Variants in BMS1 observed in about 807,000 individuals in gnomAD.
BMS1 encodes the protein BMS1 ribosome biogenesis factor.
Under a neutral mutation model 138.7 loss-of-function variants are expected in BMS1, and 53 were observed. That is an observed-to-expected ratio of 0.38 (90% CI 0.31 to 0.48). The LOEUF (loss-of-function observed/expected upper bound fraction) is 0.48, where lower values mean the gene tolerates loss of function less well. Ranked by LOEUF, BMS1 falls within the 20% of genes least tolerant of loss-of-function variation. BMS1 has a pLI of 0.97. For missense variants in BMS1, 1,360 were observed against 1,565.5 expected (o/e 0.87, Z 2.22); for synonymous variants, 504 against 539.9 (o/e 0.93, Z 0.92).
rs186069238 is a variant in BMS1, at chr10:42,796,514, A to G, written c.1270A>G (p.Thr424Ala). Residue 424 changes from threonine to alanine, a missense_variant, in exon 10 of 23, where the codon ACT (threonine) becomes GCT (alanine). By Grantham distance (58) the Thr-to-Ala change is moderately conservative (BLOSUM62 0). This residue lies in a region of BMS1 where 697 missense variants were observed against 686.2 expected (regional missense o/e 1.02). Transcript: ENST00000374518. ...PKEEKQMDLN[T>A]GRMRRKAIFG... is the part of the protein sequence containing the mutation. Reference sequence around the variant, plus strand: ...GGAGGAAAAACAAATGGACTTGAACACTGGTCGAATGCGTCGGAAAGCCAT... The same window carrying G: ...GGAGGAAAAACAAATGGACTTGAACGCTGGTCGAATGCGTCGGAAAGCCAT... The G allele has an allele frequency of 1.4e-5, 23 of 1,614,204 alleles. No homozygotes were observed. In the Admixed American group the frequency reaches 2.7e-4, roughly 19 times the overall value.
rs1441030309 is a variant in BMS1, at chr10:42,797,247, G to A, written c.1987+16G>A. 4 of 1,594,638 alleles carry A rather than the reference G, an allele frequency of 2.5e-6. No individual in the cohort carries two copies. The African/African-American group carries it at 5.4e-5, about 22-fold the overall frequency. On this transcript the variant is annotated intron_variant, in intron 10 of 22. Transcript: ENST00000374518. The stretch of plus-strand genomic sequence containing the variant: ...GAAACGTCAGGTAAGCTTAAATGTA[G>A]TTGGTTGCTGCTATGAACTTGGCTC...
At chr10:42,785,695 CAG>C in intron 3 of BMS1, 23 bp downstream of exon 3, 1 of 1,608,998 alleles carries the variant, frequency 6.2e-7, no homozygotes, top group Non-Finnish European at 8.5e-7. Context: ...ACCACAGACA[CAG>C]AGTTGGCGTG....
chr10:42,802,242 A>G, intron 13 of BMS1, 24 bp downstream of exon 13: 1 of 1,601,150 alleles, frequency 6.2e-7, no homozygotes, highest in Non-Finnish European at 8.5e-7. Flanking sequence ...TGGGTTCTTC[A>G]GGAAGACTGG....
intron 11 of BMS1, among the ~76,000 whole-genome samples, chr10:42,798,259 CAT>C (rs1227858451): frequency 1.3e-5 from 2 of 152,230 alleles, no homozygotes; most frequent in African/African-American, 2.4e-5. Flanking sequence ...GAGCCCCACA[CAT>C]GTAGAGCAAT....
At chr10:42,807,756 TGAACACTTG>T (rs1842054336) in intron 13 of BMS1, among the ~76,000 whole-genome samples, 2 of 152,222 alleles carry the variant, frequency 1.3e-5, no homozygotes, top group African/African-American at 4.8e-5. Context: ...TGAGCTACTA[TGAACACTTG>T]TATAGAAGTT....
Position 42,802,214 on chromosome 10 carries a change from A to G in BMS1, c.2325A>G (p.Glu775=). ...DDKDAAKVLA[E]DEELYGDFED... ...AAGATGCAGCCAAGGTCTTAGCAGA[A>G]GATGGTAAGTAAAGAGCTGGGTTCT... Residue 775 remains glutamate (E), a synonymous_variant, in exon 13 of 23, where the codon GAA becomes GAG. Transcript: ENST00000374518. 6.2e-7 allele frequency: 1 copy of G among 1,613,300 alleles called. No homozygotes were observed. The highest frequency in any genetic ancestry group is 8.5e-7 in the Non-Finnish European group (1 of 1,179,474).
chr10:42,804,452 G>C (rs993430013), intron 13 of BMS1, among the ~76,000 whole-genome samples: 3 of 152,104 alleles, frequency 2.0e-5, no homozygotes, highest in African/African-American at 7.2e-5. Flanking sequence ...GCATAGAGTG[G>C]TATCTTGTAG....
Position 42,796,649 on chromosome 10 carries a change from G to A in BMS1, c.1405G>A (p.Glu469Lys), listed in dbSNP as rs1415783736. The A allele has an allele frequency of 1.9e-6, 3 of 1,614,198 alleles. No homozygotes were observed. Among genetic ancestry groups the A allele is most frequent in the Non-Finnish European group, 1.7e-6 (2 of 1,180,042 alleles). ...GSSDEEAEEE[E>K]NAEMTDQYMA... ...TAGTGATGAGGAAGCAGAAGAGGAG[G>A]AAAATGCTGAGATGACTGATCAGTA... The change falls in exon 10 of 23, where the codon GAA becomes AAA. Residue 469 changes from glutamate to lysine, a missense_variant. Physicochemically the swap from Glu to Lys is moderately conservative, Grantham distance 56. Transcript: ENST00000374518.
Position 42,830,930 on chromosome 10 carries a change from A to G in BMS1, c.3683A>G (p.Gln1228Arg), listed in dbSNP as rs746169687. The G allele has an allele frequency of 1.2e-6, 2 of 1,612,146 alleles. No homozygotes were observed. Among genetic ancestry groups the G allele is most frequent in the Admixed American group, 3.3e-5 (2 of 59,740 alleles). ...HSQKMKKAKEQRHLHNKEHFR... is the reference protein window; with the variant it reads ...HSQKMKKAKERRHLHNKEHFR... ...CAGAAGATGAAGAAGGCCAAGGAGCAGCGGCACCTGCACAATAAAGAGCAC... is the reference window on the plus strand; with the variant it reads ...CAGAAGATGAAGAAGGCCAAGGAGCGGCGGCACCTGCACAATAAAGAGCAC... Residue 1228 changes from glutamine (Q) to arginine (R), a missense_variant, in exon 23 of 23, where the codon CAG becomes CGG. Transcript: ENST00000374518.
chr10:42,834,301 T>G lies in BMS1; in HGVS notation c.*3205T>G, dbSNP rs1842841976. ...CTTTAAGTATTATCATTTGGTGACA[T>G]GCCCGCCATTTCAGAAATAAATGTT... On this transcript the variant is annotated 3_prime_UTR_variant, in exon 23 of 23. Coordinates refer to ENST00000374518, the MANE Select transcript of BMS1 (RefSeq NM_014753.4). 6.6e-6 allele frequency: 1 copy of G among 152,144 alleles called. No individual in the cohort carries two copies. Among genetic ancestry groups the G allele is most frequent in the Non-Finnish European group, 1.5e-5 (1 of 68,042 alleles). 9.4% of individuals were successfully genotyped at this position (152,144 alleles called of 1,614,324 possible).
Position 42,820,397 on chromosome 10 carries a change from C to T in BMS1, c.2742C>T (p.Asn914=), listed in dbSNP as rs1842472270. Residue 914 remains asparagine, a synonymous_variant, in exon 16 of 23, where the codon AAC becomes AAT. Transcript: ENST00000374518. ...HYPIILGGLG[N]SEGNVGYVQM... ...CCATTATCCTGGGTGGCTTGGGCAACAGTGAGGGAAATGTTGGCTACGTGC... is the reference window on the plus strand; with the variant it reads ...CCATTATCCTGGGTGGCTTGGGCAATAGTGAGGGAAATGTTGGCTACGTGC... The T allele has an allele frequency of 6.2e-7, 1 of 1,613,722 alleles. No homozygotes were observed. The highest frequency in any genetic ancestry group is 1.3e-5 in the African/African-American group (1 of 74,888).
Position 42,834,550 on chromosome 10 carries a change from G to GT in BMS1, c.*3458dup, listed in dbSNP as rs1289642202. 2.6e-5 allele frequency: 4 copies of GT among 152,036 alleles called. No homozygotes were observed. The highest frequency in any genetic ancestry group is 9.7e-5 in the African/African-American group (4 of 41,384). 9.4% of individuals were successfully genotyped at this position (152,036 alleles called of 1,614,324 possible). ...TTAGTTTTACCTAGTTTATTTCATG[G>GT]TTTTAAAGTATTGTACATTTTTATA... On this transcript the variant is annotated 3_prime_UTR_variant, in exon 23 of 23. Transcript: ENST00000374518.
chr10:42,818,145 T>C (rs1268384026), intron 15 of BMS1, among the ~76,000 whole-genome samples: 3 of 152,326 alleles, frequency 2.0e-5, no homozygotes, highest in South Asian at 2.1e-4. Flanking sequence ...CTGTGTAAGC[T>C]GGAACAGATT....
rs187987521 is a variant in BMS1, at chr10:42,815,295, G to A, written c.2330-1304G>A. ...AGGAAAGTACTTAACACAGTGCCTGGTGTGGAGAGCACCGATGAGTGTTGG... is the reference window on the plus strand; with the variant it reads ...AGGAAAGTACTTAACACAGTGCCTGATGTGGAGAGCACCGATGAGTGTTGG... On this transcript the variant is annotated intron_variant, in intron 13 of 22. Transcript: ENST00000374518. 8.3e-4 allele frequency among the ~76,000 whole-genome samples: 127 copies of A among 152,310 alleles called. 1 individual carries two copies. The highest frequency in any genetic ancestry group is 3.4e-3 in the Middle Eastern group (1 of 294).
intron 13 of BMS1, among the ~76,000 whole-genome samples, chr10:42,812,228 C>A (rs1359181609): frequency 2.0e-5 from 3 of 152,228 alleles, no homozygotes; most frequent in Admixed American, 1.3e-4. Flanking sequence ...TCACTGCAGC[C>A]TTGACCTCCT....
chr10:42,787,450 A>G (rs1489437325), intron 4 of BMS1, among the ~76,000 whole-genome samples: 1 of 152,244 alleles, frequency 6.6e-6, no homozygotes, highest in Non-Finnish European at 1.5e-5. Flanking sequence ...AATGTGCACA[A>G]TGAAATGTGT....
In BMS1 at chr10:42,819,295, TC is replaced by T. The variant is rs532296234; in HGVS notation, c.2581-940del. Among the ~76,000 whole-genome samples, 1,152 of 152,358 alleles carry T rather than the reference TC, an allele frequency of 7.6e-3. 17 individuals are homozygous for T. Among genetic ancestry groups the T allele is most frequent in the African/African-American group, 0.024 (997 of 41,592 alleles). On this transcript the variant is annotated intron_variant, in intron 15 of 22. Transcript: ENST00000374518. ...TGTGCCTGAGCTGCCTGTAGAACTT[TC>T]TGTGATCATCGAGATGCACGTCAGT... is the stretch of plus-strand genomic sequence containing the variant.
At position 42,825,374 on chromosome 10, in the gene BMS1, A is replaced by G. The variant is rs574421973; in HGVS notation, c.3456+1590A>G. ...TTGATGAGGATTGTGTTAAATCTGT[A>G]TATTTGCTTTGGGTAGCGTGAACAT... On this transcript the variant is annotated intron_variant, in intron 21 of 22. Coordinates refer to ENST00000374518, the MANE Select transcript of BMS1 (RefSeq NM_014753.4). Among the ~76,000 whole-genome samples, 6 of 152,292 alleles carry G rather than the reference A, an allele frequency of 3.9e-5. No individual in the cohort carries two copies. In the East Asian group the frequency reaches 1.2e-3, roughly 29 times the overall value.
intron 13 of BMS1, among the ~76,000 whole-genome samples, chr10:42,803,089 A>G (rs895168407): frequency 6.6e-6 from 1 of 152,138 alleles, no homozygotes; most frequent in Non-Finnish European, 1.5e-5. Flanking sequence ...TGGTGTGGTC[A>G]TGGCCCACTG....
Sources: allele counts gnomAD v4.1 joint callset (sites outside exome capture counted in the v4.1 genomes callset), GRCh38; gene constraint gnomAD v4.1.1; regional missense constraint gnomAD v4.1.1; transcripts MANE v1.5; gene names NCBI Gene and HGNC (gene_info 2026-07-23, HGNC 2026-07-21).